Variants in CACNA2D3 observed in about 807,000 individuals in gnomAD.
CACNA2D3 encodes the protein calcium voltage-gated channel auxiliary subunit alpha2delta 3.
CACNA2D3 carries 60 observed loss-of-function variants against 160.6 expected under a neutral mutation model. The ratio of observed to expected loss-of-function variants is 0.37; its 90% CI spans 0.30 to 0.46. The LOEUF (loss-of-function observed/expected upper bound fraction) is 0.46. Ranked by LOEUF, CACNA2D3 falls within the 20% of genes least tolerant of loss-of-function variation. The pLI is 1.00. For synonymous variants in CACNA2D3, 558 were observed against 492.9 expected (o/e 1.13, Z -1.75); for missense variants, 1,205 against 1,365.0 (o/e 0.88, Z 1.85).
chr3:54,685,611 A>G (rs547380370), intron 11 of CACNA2D3, among the ~76,000 whole-genome samples: 2 of 152,210 alleles, frequency 1.3e-5, no homozygotes, highest in African/African-American at 2.4e-5. Flanking sequence ...TTGACTAGCA[A>G]TGTAATCTTA....
chr3:54,342,931 G>T (rs1221895372), intron 3 of CACNA2D3, among the ~76,000 whole-genome samples: 2 of 152,266 alleles, frequency 1.3e-5, no homozygotes, highest in South Asian at 4.1e-4. Context: ...AGGCCCGGGG[G>T]GGCCCGCCCT....
chr3:54,895,298 C>T (rs1489189506), intron 25 of CACNA2D3, among the ~76,000 whole-genome samples: 1 of 152,126 alleles, frequency 6.6e-6, no homozygotes, highest in African/African-American at 2.4e-5. Context: ...ATACACCAAG[C>T]GCCTGCTGAG....
intron 11 of CACNA2D3, among the ~76,000 whole-genome samples, chr3:54,690,304 A>G (rs1448517187): frequency 1.3e-5 from 2 of 152,112 alleles, no homozygotes; most frequent in African/African-American, 4.8e-5. Context: ...TTTTTCCCAT[A>G]GTAATTTTCC....
At chr3:54,772,298 A>G (rs1477611267) in intron 13 of CACNA2D3, among the ~76,000 whole-genome samples, 2 of 151,706 alleles carry the variant, frequency 1.3e-5, no homozygotes, top group Non-Finnish European at 2.9e-5. Flanking sequence ...GCAGCAGTAA[A>G]TATAATTATA....
chr3:55,020,010 G>A (rs562856258), intron 35 of CACNA2D3, among the ~76,000 whole-genome samples: 49 of 152,036 alleles, frequency 3.2e-4, no homozygotes, highest in African/African-American at 1.1e-3. Flanking sequence ...TAGATTTTTG[G>A]TAGTAACGAT....
intron 2 of CACNA2D3, among the ~76,000 whole-genome samples, chr3:54,185,674 G>A (rs942786822): frequency 2.6e-5 from 4 of 152,108 alleles, no homozygotes; most frequent in Admixed American, 6.5e-5. Flanking sequence ...ACAAATACTC[G>A]ACTCTGCTGT....
At chr3:55,033,792 T>A (rs374043012) in intron 35 of CACNA2D3, among the ~76,000 whole-genome samples, 2 of 132,186 alleles carry the variant, frequency 1.5e-5, no homozygotes, top group Non-Finnish European at 3.1e-5. Flanking sequence ...ATATTAAATA[T>A]ATTTTATATA....
chr3:54,709,971 T>C (rs1349108069), intron 11 of CACNA2D3, among the ~76,000 whole-genome samples: 1 of 152,190 alleles, frequency 6.6e-6, no homozygotes, highest in Non-Finnish European at 1.5e-5. Context: ...AGAGGTATTA[T>C]TTTCCAAAAC....
chr3:54,291,656 A>G (rs771816578), intron 2 of CACNA2D3, among the ~76,000 whole-genome samples: 4 of 152,194 alleles, frequency 2.6e-5, no homozygotes, highest in Non-Finnish European at 5.9e-5. Flanking sequence ...ACTTTTATTC[A>G]TAATATATGC....
intron 14 of CACNA2D3, among the ~76,000 whole-genome samples, chr3:54,817,240 G>A (rs1295303124): frequency 1.3e-5 from 2 of 152,140 alleles, no homozygotes; most frequent in Non-Finnish European, 2.9e-5. Flanking sequence ...AATTAGTAAG[G>A]CGTGGTAACC....
At chr3:54,477,836 C>T (rs1283246184) in intron 4 of CACNA2D3, among the ~76,000 whole-genome samples, 2 of 152,156 alleles carry the variant, frequency 1.3e-5, no homozygotes, top group African/African-American at 2.4e-5. Context: ...ATGGCTGGAG[C>T]AGTTTTTCCC....
chr3:54,896,397 A>T (rs1201048048), intron 25 of CACNA2D3, among the ~76,000 whole-genome samples: 1 of 152,210 alleles, frequency 6.6e-6, no homozygotes, highest in Non-Finnish European at 1.5e-5. Context: ...TATGTGTGTG[A>T]GTATTAAAGC....
In CACNA2D3 at chr3:55,056,235, C is replaced by G. The variant is rs191308426; in HGVS notation, c.2988-17210C>G. ...AATATTAGTAATCATCAGGGTTATA[C>G]AAATTAAAATGACAATGAGATATCA... On this transcript the variant is annotated intron_variant, in intron 35 of 37. Transcript: ENST00000474759. Among the ~76,000 whole-genome samples, 115 of 152,126 alleles carry G rather than the reference C, an allele frequency of 7.6e-4. 1 individual carries two copies. Among genetic ancestry groups the G allele is most frequent in the South Asian group, 4.6e-3 (22 of 4,812 alleles).
At chr3:54,523,560 T>A (rs1225343766) in intron 5 of CACNA2D3, among the ~76,000 whole-genome samples, 1 of 152,144 alleles carries the variant, frequency 6.6e-6, no homozygotes, top group African/African-American at 2.4e-5. Flanking sequence ...TTGGGAATTG[T>A]TCTCCTTTTT....
intron 3 of CACNA2D3, among the ~76,000 whole-genome samples, chr3:54,355,141 CA>C (rs1388924600): frequency 2.0e-5 from 3 of 152,138 alleles, no homozygotes; most frequent in Non-Finnish European, 4.4e-5. Context: ...AGTGGGAGAT[CA>C]GGGGCAGTCT....
intron 35 of CACNA2D3, among the ~76,000 whole-genome samples, chr3:55,019,150 T>G (rs1703394172): frequency 6.7e-6 from 1 of 149,374 alleles, no homozygotes; most frequent in South Asian, 2.1e-4. Context: ...CCCATCTATA[T>G]GCAGATCTGT....
chr3:54,328,606 A>G (rs2107515320), intron 3 of CACNA2D3, among the ~76,000 whole-genome samples: 1 of 152,136 alleles, frequency 6.6e-6, no homozygotes, highest in African/African-American at 2.4e-5. Context: ...TTAATTACTC[A>G]CCGTTTGGCA....
intron 11 of CACNA2D3, among the ~76,000 whole-genome samples, chr3:54,647,146 C>G (rs548823133): frequency 6.6e-6 from 1 of 152,316 alleles, no homozygotes; most frequent in East Asian, 1.9e-4. Flanking sequence ...GTTAGCACCT[C>G]GATTGTAGAC....
chr3:54,694,170 C>G (rs1700618952), intron 11 of CACNA2D3, among the ~76,000 whole-genome samples: 1 of 152,262 alleles, frequency 6.6e-6, no homozygotes, highest in South Asian at 2.1e-4. Context: ...ACCATACTTT[C>G]CGATATCTTT....
Sources: allele counts gnomAD v4.1 joint callset (sites outside exome capture counted in the v4.1 genomes callset), GRCh38; gene constraint gnomAD v4.1.1; transcripts MANE v1.5; gene names NCBI Gene and HGNC (gene_info 2026-07-23, HGNC 2026-07-21).